Variants in DSG1 observed in about 807,000 individuals in gnomAD.
DSG1 encodes desmoglein-1.
In DSG1, 39 loss-of-function variants were observed where a neutral mutation model predicts 97.5. That is an observed-to-expected ratio of 0.40 (90% CI 0.31 to 0.52). The LOEUF (loss-of-function observed/expected upper bound fraction) is 0.52. DSG1 is among the 20% of genes least tolerant of loss of function. The probability of loss-of-function intolerance (pLI) is 0.53; values close to 1 mark genes in which losing one functional copy is unlikely to be tolerated. For missense variants in DSG1, 1,311 were observed against 1,295.4 expected (o/e 1.01, Z -0.18); for synonymous variants, 475 against 443.4 (o/e 1.07, Z -0.90).
intron 1 of DSG1, among the ~76,000 whole-genome samples, chr18:31,324,093 C>A (rs11662631): frequency 0.41 from 60,939 of 148,170 alleles, 13,583 homozygotes; most frequent in Non-Finnish European, 0.49. Flanking sequence ...CATTGATTCT[C>A]CTGCCTCAGC....
Position 31,355,309 on chromosome 18 carries a change from G to C in DSG1, c.3113G>C (p.Arg1038Pro), listed in dbSNP as rs370813362. The C allele has an allele frequency of 1.9e-6, 3 of 1,614,152 alleles. No homozygotes were observed. The highest frequency in any genetic ancestry group is 4.5e-5 in the East Asian group (2 of 44,878). ...GSASPSTARSRITKYSTVQYS... is the reference protein window; with the variant it reads ...GSASPSTARSPITKYSTVQYS... ...GCCTCCCCTAGCACAGCTCGAAGTC[G>C]AATCACAAAGTATAGTACCGTGCAA... Residue 1038 changes from arginine to proline, a missense_variant, in exon 15 of 15, where the codon CGA becomes CCA. Physicochemically the swap from Arg to Pro is moderately radical, Grantham distance 103. Around this residue, in one of 3 missense-constraint regions of DSG1, gnomAD observed 1,038 missense variants for 964.6 expected, o/e 1.08. Transcript: ENST00000257192.
At chr18:31,322,786 T>C (rs2071662167) in intron 1 of DSG1, among the ~76,000 whole-genome samples, 1 of 152,226 alleles carries the variant, frequency 6.6e-6, no homozygotes, top group Admixed American at 6.5e-5. Flanking sequence ...TGGAAGACCA[T>C]CTCACAATTA....
At chr18:31,321,089 T>G (rs1202282098) in intron 1 of DSG1, among the ~76,000 whole-genome samples, 1 of 150,720 alleles carries the variant, frequency 6.6e-6, no homozygotes, top group Non-Finnish European at 1.5e-5. Flanking sequence ...GGTTAATATT[T>G]CATTTCGAAA....
chr18:31,345,058 A>G (rs2071820621), intron 13 of DSG1, among the ~76,000 whole-genome samples: 1 of 152,230 alleles, frequency 6.6e-6, no homozygotes, highest in Admixed American at 6.5e-5. Flanking sequence ...GACTCGTCGT[A>G]TTCACTGACA....
At chr18:31,353,961 A>G (rs1011232340) in intron 14 of DSG1, 2 of 315,252 alleles carry the variant, frequency 6.3e-6, no homozygotes, top group South Asian at 2.9e-5. Context: ...GCTGTAGACC[A>G]GAGCTGTTCC....
intron 13 of DSG1, among the ~76,000 whole-genome samples, chr18:31,344,398 C>T (rs575298077): frequency 3.3e-5 from 5 of 152,112 alleles, no homozygotes; most frequent in East Asian, 1.9e-4. Context: ...AAAATAGAGC[C>T]GTGCTCATTT....
chr18:31,328,449 C>A, intron 4 of DSG1, 105 bp downstream of exon 4: 3 of 1,229,316 alleles, frequency 2.4e-6, no homozygotes, highest in Non-Finnish European at 3.5e-6. Flanking sequence ...CAATATTTGG[C>A]ATTTTTGGTT....
intron 14 of DSG1, chr18:31,353,842 A>G: frequency 4.6e-6 from 1 of 215,548 alleles, no homozygotes; most frequent in South Asian, 6.8e-5. Flanking sequence ...CGCACAGTGG[A>G]CGCACCCACT....
At chr18:31,330,155 A>G (rs2071711471) in intron 5 of DSG1, 119 bp downstream of exon 5, 1 of 1,289,128 alleles carries the variant, frequency 7.8e-7, no homozygotes, top group African/African-American at 1.5e-5. Context: ...GATGCAGAAT[A>G]GCAAGTCTTT....
At position 31,333,577 on chromosome 18, in the gene DSG1, A is replaced by T. The variant is rs758393297; in HGVS notation, c.685-12A>T. The T allele has an allele frequency of 6.2e-7, 1 of 1,613,714 alleles. No individual in the cohort carries two copies. Among genetic ancestry groups the T allele is most frequent in the Non-Finnish European group, 8.5e-7 (1 of 1,179,690 alleles). On this transcript the variant is annotated splice_polypyrimidine_tract_variant and intron_variant, in intron 6 of 14. Coordinates refer to ENST00000257192, the MANE Select transcript of DSG1 (RefSeq NM_001942.4). ...CGTCAAGTGTGATATTGCCTGTAATATGTATTTTTAGCAATACGGCCAGTA... is the reference window on the plus strand; with the variant it reads ...CGTCAAGTGTGATATTGCCTGTAATTTGTATTTTTAGCAATACGGCCAGTA...
At position 31,339,851 on chromosome 18, in the gene DSG1, G is replaced by A; in HGVS notation, c.1513G>A (p.Gly505Ser). The A allele has an allele frequency of 6.2e-7, 1 of 1,613,982 alleles. No homozygotes were observed. Among genetic ancestry groups the A allele is most frequent in the South Asian group, 1.1e-5 (1 of 91,064 alleles). Residue 505 changes from glycine to serine, a missense_variant, in exon 11 of 15, where the codon GGC (glycine) becomes AGC (serine). Transcript: ENST00000257192. ...GAACACTAAAATTACTACCAATACTGGCAGACAAGAAAGTACTTCTTCCAC... is the reference window on the plus strand; with the variant it reads ...GAACACTAAAATTACTACCAATACTAGCAGACAAGAAAGTACTTCTTCCAC... ...EPNTKITTNT[G>S]RQESTSSTNY...
chr18:31,352,108 C>T lies in DSG1; in HGVS notation c.2101-2189C>T, dbSNP rs1160889659. 3.2e-4 allele frequency among the ~76,000 whole-genome samples: 49 copies of T among 151,854 alleles called. 1 individual carries two copies. In the South Asian group the frequency reaches 9.2e-3, roughly 28 times the overall value. ...GGCATGATTTTGCAGCAGCTGGTAC[C>T]GGTTGTTCCTTTCCATGTTTAGTGC... On this transcript the variant is annotated intron_variant, in intron 14 of 14. Coordinates refer to ENST00000257192, the MANE Select transcript of DSG1 (RefSeq NM_001942.4).
At chr18:31,346,280 C>T in intron 14 of DSG1, 82 bp downstream of exon 14, 1 of 1,183,140 alleles carries the variant, frequency 8.5e-7, no homozygotes, top group Non-Finnish European at 1.3e-6. Flanking sequence ...CCTAAAGGGG[C>T]TTTGGCAGGA....
chr18:31,334,964 T>C (rs1355368037), intron 8 of DSG1, among the ~76,000 whole-genome samples: 3 of 152,162 alleles, frequency 2.0e-5, no homozygotes, highest in Non-Finnish European at 4.4e-5. Flanking sequence ...ATGGATTGTA[T>C]ATGTTGCATG....
At chr18:31,341,293 TAAATC>T (rs2071787182) in intron 11 of DSG1, among the ~76,000 whole-genome samples, 1 of 152,232 alleles carries the variant, frequency 6.6e-6, no homozygotes, top group Non-Finnish European at 1.5e-5. Flanking sequence ...CTCAGATATT[TAAATC>T]AAACGCTCAC....
chr18:31,349,211 A>G (rs1167474827), intron 14 of DSG1, among the ~76,000 whole-genome samples: 1 of 138,214 alleles, frequency 7.2e-6, no homozygotes, highest in Non-Finnish European at 1.5e-5. Context: ...AGCACCATTT[A>G]TTAAATAGGG....
intron 1 of DSG1, among the ~76,000 whole-genome samples, chr18:31,325,603 T>C (rs1366242832): frequency 1.3e-5 from 2 of 151,952 alleles, no homozygotes. Flanking sequence ...CCATTTACTT[T>C]TCTTTTTTTT....
chr18:31,326,359 A>G (rs1298847935), intron 1 of DSG1, among the ~76,000 whole-genome samples: 1 of 152,116 alleles, frequency 6.6e-6, no homozygotes, highest in Non-Finnish European at 1.5e-5. Context: ...GTACAAAATA[A>G]TAGTAATAAA....
chr18:31,320,292 GA>G (rs899675038), intron 1 of DSG1, among the ~76,000 whole-genome samples: 11 of 151,818 alleles, frequency 7.2e-5, no homozygotes, highest in Admixed American at 3.3e-4. Flanking sequence ...ACCAAAAAAT[GA>G]AAAAAAATTT....
Sources: gnomAD v4.1 joint callset for allele counts (sites outside exome capture counted in the v4.1 genomes callset) on GRCh38, gnomAD v4.1.1 for gene constraint, gnomAD v4.1.1 regional missense constraint, MANE v1.5 for transcripts, NCBI Gene and HGNC (gene_info 2026-07-23, HGNC 2026-07-21) for gene names.